Variants in CEP112 observed in about 807,000 individuals in gnomAD.
CEP112 encodes centrosomal protein of 112 kDa.
Under a neutral mutation model 153.0 loss-of-function variants are expected in CEP112, and 127 were observed. The observed-to-expected ratio is 0.83, with a 90% confidence interval of 0.72 to 0.96. The LOEUF is 0.96. Among genes scored for constraint, CEP112 ranks in the 40% least tolerant of loss-of-function variants. The probability of loss-of-function intolerance (pLI) is 0.00; values close to 1 mark genes in which losing one functional copy is unlikely to be tolerated. For synonymous variants in CEP112, 358 were observed against 374.4 expected (o/e 0.96, Z 0.51); for missense variants, 1,089 against 1,101.2 (o/e 0.99, Z 0.16).
chr17:65,747,933 T>C (rs2051575207), intron 22 of CEP112, among the ~76,000 whole-genome samples: 1 of 152,214 alleles, frequency 6.6e-6, no homozygotes, highest in African/African-American at 2.4e-5. Flanking sequence ...TACTAATGCA[T>C]TCATTTTCTT....
intron 2 of CEP112, among the ~76,000 whole-genome samples, chr17:66,178,579 T>A (rs368628740): frequency 5.9e-5 from 9 of 152,312 alleles, no homozygotes; most frequent in African/African-American, 2.2e-4. Flanking sequence ...CATTTGTCCA[T>A]TGTCGCTTTG....
intron 24 of CEP112, among the ~76,000 whole-genome samples, chr17:65,667,927 C>T (rs894278120): frequency 1.3e-5 from 2 of 149,740 alleles, no homozygotes; most frequent in South Asian, 2.1e-4. Context: ...GACTGAGTCT[C>T]GCTGTGTCAC....
In CEP112 at chr17:65,763,607, C is replaced by A. The variant is rs556205878; in HGVS notation, c.2395-12883G>T. Among the ~76,000 whole-genome samples, 5 of 151,996 alleles carry A rather than the reference C, an allele frequency of 3.3e-5. No individual in the cohort carries two copies. The South Asian group carries it at 1.0e-3, about 32-fold the overall frequency. On this transcript the variant is annotated intron_variant, in intron 21 of 26. Transcript: ENST00000535342. ...AGCTGTGTCCAGTCTACTGATGAGT[C>A]TATCACAGTCTTCATTTCTGTTAGG...
At chr17:66,154,768 AC>A (rs1310888776) in intron 4 of CEP112, among the ~76,000 whole-genome samples, 2 of 152,162 alleles carry the variant, frequency 1.3e-5, no homozygotes, top group African/African-American at 2.4e-5. Context: ...GAGTCAACTG[AC>A]AAAACTATAT....
intron 21 of CEP112, among the ~76,000 whole-genome samples, chr17:65,811,920 A>G (rs537000635): frequency 3.3e-5 from 5 of 152,192 alleles, no homozygotes; most frequent in Middle Eastern, 3.4e-3. Context: ...ATACCTGTAA[A>G]TTATTCTCTT....
chr17:66,131,786 T>C (rs139375120), intron 5 of CEP112, among the ~76,000 whole-genome samples: 280 of 152,062 alleles, frequency 1.8e-3, no homozygotes, highest in African/African-American at 6.3e-3. Flanking sequence ...TTACACATGC[T>C]TTCTCTTGTA....
At chr17:66,103,490 T>C (rs1028252611) in intron 6 of CEP112, among the ~76,000 whole-genome samples, 2 of 152,068 alleles carry the variant, frequency 1.3e-5, no homozygotes, top group African/African-American at 2.4e-5. Flanking sequence ...AACAAGTAAA[T>C]AATAGAACTA....
intron 21 of CEP112, among the ~76,000 whole-genome samples, chr17:65,754,651 T>C (rs901615846): frequency 6.6e-6 from 1 of 152,000 alleles, no homozygotes; most frequent in Non-Finnish European, 1.5e-5. Context: ...TAAAATACAA[T>C]ACAGTGTAGA....
At chr17:66,118,859 A>G (rs2069431791) in intron 6 of CEP112, among the ~76,000 whole-genome samples, 1 of 149,422 alleles carries the variant, frequency 6.7e-6, no homozygotes, top group Non-Finnish European at 1.5e-5. Flanking sequence ...TCCATAATTA[A>G]AAATTTTAAA....
chr17:65,946,304 T>C (rs930770689), intron 18 of CEP112, among the ~76,000 whole-genome samples: 8 of 152,256 alleles, frequency 5.3e-5, no homozygotes, highest in African/African-American at 1.9e-4. Flanking sequence ...TTAATCGTTT[T>C]ACCCTTCATT....
chr17:66,014,464 G>A (rs2064683464), intron 16 of CEP112, among the ~76,000 whole-genome samples: 1 of 152,170 alleles, frequency 6.6e-6, no homozygotes, highest in Non-Finnish European at 1.5e-5. Context: ...GTCTCCTAGA[G>A]GAACATGGCC....
intron 24 of CEP112, among the ~76,000 whole-genome samples, chr17:65,658,766 G>C (rs1421031019): frequency 6.6e-6 from 1 of 152,046 alleles, no homozygotes; most frequent in African/African-American, 2.4e-5. Context: ...CATCTATAAG[G>C]GACTTCCACA....
At chr17:66,107,272 A>G (rs755255907) in intron 6 of CEP112, among the ~76,000 whole-genome samples, 1 of 152,162 alleles carries the variant, frequency 6.6e-6, no homozygotes, top group Non-Finnish European at 1.5e-5. Context: ...TATTCAACAT[A>G]GTACCGAAAG....
At chr17:66,157,423 CA>C (rs2071492270) in intron 4 of CEP112, among the ~76,000 whole-genome samples, 1 of 152,132 alleles carries the variant, frequency 6.6e-6, no homozygotes, top group Non-Finnish European at 1.5e-5. Context: ...ACTGCAAAAA[CA>C]TACCAAATTA....
At chr17:65,849,775 G>A (rs1444162496) in intron 21 of CEP112, among the ~76,000 whole-genome samples, 1 of 152,204 alleles carries the variant, frequency 6.6e-6, no homozygotes, top group Non-Finnish European at 1.5e-5. Context: ...AGAGTTAACA[G>A]AAAAGATAAG....
intron 23 of CEP112, among the ~76,000 whole-genome samples, chr17:65,728,686 TATATAA>T (rs1567926426): frequency 6.6e-6 from 1 of 152,180 alleles, no homozygotes; most frequent in Non-Finnish European, 1.5e-5. Flanking sequence ...TATAGGCAAT[TATATAA>T]ATATATCTAA....
At chr17:65,731,722 C>A (rs890089071) in intron 23 of CEP112, among the ~76,000 whole-genome samples, 5 of 152,176 alleles carry the variant, frequency 3.3e-5, no homozygotes, top group African/African-American at 1.2e-4. Flanking sequence ...TATTCTAAAT[C>A]CTATGTTGTC....
At chr17:66,045,953 CA>C (rs1207680903) in intron 12 of CEP112, among the ~76,000 whole-genome samples, 1 of 152,192 alleles carries the variant, frequency 6.6e-6, no homozygotes, top group African/African-American at 2.4e-5. Context: ...CCAGAGGCTA[CA>C]TGACACATGA....
intron 17 of CEP112, among the ~76,000 whole-genome samples, chr17:65,976,772 TC>T: frequency 7.7e-6 from 1 of 129,838 alleles, no homozygotes. Context: ...AGAGTCTCAC[TC>T]TGTTGCCCAG....
Sources: gnomAD v4.1 joint callset for allele counts (sites outside exome capture counted in the v4.1 genomes callset) on GRCh38, gnomAD v4.1.1 for gene constraint, MANE v1.5 for transcripts, NCBI Gene and HGNC (gene_info 2026-07-23, HGNC 2026-07-21) for gene names.